COL4A6: variants seen among roughly 807,000 people sequenced by gnomAD.
COL4A6 encodes collagen alpha-6(IV) chain.
COL4A6 carries 59 observed loss-of-function variants against 126.7 expected under a neutral mutation model. The observed-to-expected ratio is 0.47, with a 90% CI of 0.38 to 0.58. The LOEUF is 0.58. COL4A6 is among the 20% of genes least tolerant of loss of function. COL4A6 has a pLI of 0.00. For missense variants in COL4A6, 1,285 were observed against 1,337.3 expected (o/e 0.96, Z 0.61); for synonymous variants, 547 against 496.6 (o/e 1.10, Z -1.35).
chrX:108,345,440 T>A (rs1238143922), intron 2 of COL4A6, among the ~76,000 whole-genome samples: 1 of 111,786 alleles, frequency 8.9e-6, no homozygotes, highest in Non-Finnish European at 1.9e-5. Context: ...GGCAGATACA[T>A]GTTCAAGCCT....
chrX:108,335,226 T>C (rs1304905845), intron 2 of COL4A6, among the ~76,000 whole-genome samples: 1 of 112,374 alleles, frequency 8.9e-6, no homozygotes, highest in Non-Finnish European at 1.9e-5. Flanking sequence ...GGTATCTTTG[T>C]AGCACCAGAC....
At chrX:108,254,119 A>T (rs551562370) in intron 3 of COL4A6, among the ~76,000 whole-genome samples, 2 of 111,241 alleles carry the variant, frequency 1.8e-5, no homozygotes, top group African/African-American at 6.5e-5. Context: ...ATTTTCCAGT[A>T]GATTATTTTC....
chrX:108,334,645 C>G (rs953744817), intron 2 of COL4A6, among the ~76,000 whole-genome samples: 7 of 111,005 alleles, frequency 6.3e-5, no homozygotes, highest in African/African-American at 2.3e-4. Flanking sequence ...CTCACTTTAC[C>G]TTTCTTGGTT....
At chrX:108,261,821 T>C (rs1039266386) in intron 3 of COL4A6, among the ~76,000 whole-genome samples, 3 of 111,765 alleles carry the variant, frequency 2.7e-5, no homozygotes, top group Non-Finnish European at 5.7e-5. Flanking sequence ...AAGTCATACA[T>C]CTGGGCCCCA....
chrX:108,435,882 G>T (rs1363389114), intron 2 of COL4A6, among the ~76,000 whole-genome samples: 1 of 111,569 alleles, frequency 9.0e-6, no homozygotes, highest in African/African-American at 3.3e-5. Flanking sequence ...GTTAATATTA[G>T]TCAAACATGG....
chrX:108,420,309 T>C (rs1245884646), intron 2 of COL4A6, among the ~76,000 whole-genome samples: 1 of 112,042 alleles, frequency 8.9e-6, no homozygotes, highest in Non-Finnish European at 1.9e-5. Flanking sequence ...ATAAGCAGTG[T>C]TCCAGATGGT....
chrX:108,237,727 CTT>C (rs1352417556), intron 3 of COL4A6, among the ~76,000 whole-genome samples: 1 of 111,475 alleles, frequency 9.0e-6, no homozygotes, highest in Non-Finnish European at 1.9e-5. Flanking sequence ...TTGAAAAGAT[CTT>C]TTCCTTCATC....
intron 2 of COL4A6, among the ~76,000 whole-genome samples, chrX:108,373,420 T>C (rs1286817368): frequency 1.8e-5 from 2 of 111,825 alleles, no homozygotes; most frequent in African/African-American, 3.3e-5. Flanking sequence ...TGGAAATCTT[T>C]TGCATAGTGC....
At chrX:108,294,362 G>A (rs1190132484) in intron 3 of COL4A6, among the ~76,000 whole-genome samples, 1 of 107,789 alleles carries the variant, frequency 9.3e-6, no homozygotes, top group Non-Finnish European at 1.9e-5. Flanking sequence ...GCAAACTAAT[G>A]TCACTAGCTG....
intron 25 of COL4A6, among the ~76,000 whole-genome samples, chrX:108,179,673 C>G (rs1486590595): frequency 9.1e-6 from 1 of 109,414 alleles, no homozygotes; most frequent in Non-Finnish European, 1.9e-5. Flanking sequence ...GGCGGAGGTC[C>G]ACAAACTGTT....
chrX:108,412,511 C>T (rs1203702787), intron 2 of COL4A6, among the ~76,000 whole-genome samples: 1 of 111,855 alleles, frequency 8.9e-6, no homozygotes, highest in East Asian at 2.8e-4. Flanking sequence ...GGTAAGGATG[C>T]ATCGCTGTCA....
At chrX:108,415,896 C>G (rs1261068974) in intron 2 of COL4A6, among the ~76,000 whole-genome samples, 3 of 112,018 alleles carry the variant, frequency 2.7e-5, no homozygotes, top group Non-Finnish European at 5.6e-5. Flanking sequence ...AGAGGGTAAC[C>G]AAATAAGCAC....
In COL4A6 at chrX:108,376,175, TTC is replaced by T. The variant is rs1344079699; in HGVS notation, c.63+61765_63+61766del. 2.7e-5 allele frequency among the ~76,000 whole-genome samples: 3 copies of T among 111,946 alleles called. No homozygotes were observed. In the East Asian group the frequency reaches 8.3e-4, roughly 31 times the overall value. ...ATAAGTGTTAAAAATGATTATTTTT[TTC>T]TGTTTGAAGAGGGCTTTTATTGTTC... is the stretch of plus-strand genomic sequence containing the variant. On this transcript the variant is annotated intron_variant, in intron 2 of 44. Coordinates refer to ENST00000334504, the MANE Select transcript of COL4A6 (RefSeq NM_033641.4).
chrX:108,229,042 C>T (rs1240611049), intron 3 of COL4A6, among the ~76,000 whole-genome samples: 15 of 111,954 alleles, frequency 1.3e-4, no homozygotes. Context: ...TAAGCGAGGG[C>T]CAGTCAGAAG....
At chrX:108,219,785 C>G in intron 4 of COL4A6, 43 bp from the exon 5 acceptor site, 1 of 1,093,850 alleles carries the variant, frequency 9.1e-7, no homozygotes, top group Non-Finnish European at 1.3e-6. Context: ...CACAATCCAA[C>G]TGATGTTTGT....
chrX:108,340,395 G>GA (rs2039531354), intron 2 of COL4A6, among the ~76,000 whole-genome samples: 1 of 111,620 alleles, frequency 9.0e-6, no homozygotes, highest in South Asian at 3.7e-4. Flanking sequence ...TACAGACCCA[G>GA]TGTATATATC....
intron 2 of COL4A6, among the ~76,000 whole-genome samples, chrX:108,399,456 C>A (rs1030847354): frequency 1.8e-5 from 2 of 111,007 alleles, no homozygotes; most frequent in Admixed American, 9.6e-5. Flanking sequence ...TTCAAAACAG[C>A]AACTCTTTAA....
intron 3 of COL4A6, among the ~76,000 whole-genome samples, chrX:108,289,639 C>A (rs1337806556): frequency 9.0e-6 from 1 of 111,697 alleles, no homozygotes; most frequent in Non-Finnish European, 1.9e-5. Context: ...CAGACATAGA[C>A]TTGCAGGCAG....
chrX:108,306,287 G>A (rs1272053208), intron 3 of COL4A6, among the ~76,000 whole-genome samples: 1 of 112,170 alleles, frequency 8.9e-6, no homozygotes, highest in Non-Finnish European at 1.9e-5. Context: ...AATGTCTGAG[G>A]AGTGAGAGGG....
Sources: allele counts gnomAD v4.1 joint callset (sites outside exome capture counted in the v4.1 genomes callset), GRCh38; gene constraint gnomAD v4.1.1; transcripts MANE v1.5; gene names NCBI Gene and HGNC (gene_info 2026-07-23, HGNC 2026-07-21).